Variants in ARSB observed in about 807,000 individuals in gnomAD.
ARSB encodes the protein arylsulfatase B.
A neutral mutation model predicts 50.9 loss-of-function variants in ARSB; 41 were observed. The ratio of observed to expected loss-of-function variants is 0.81; its 90% CI spans 0.63 to 1.04. The LOEUF (loss-of-function observed/expected upper bound fraction) is 1.04. ARSB is among the 50% of genes least tolerant of loss of function. The probability of loss-of-function intolerance (pLI) is 0.00; values close to 1 mark genes in which losing one functional copy is unlikely to be tolerated. For missense variants in ARSB, 672 were observed against 693.3 expected (o/e 0.97, Z 0.35); for synonymous variants, 269 against 284.8 (o/e 0.94, Z 0.56).
Position 78,985,014 on chromosome 5 carries a change from C to G in ARSB, c.235G>C (p.Gly79Arg). 6.5e-7 allele frequency: 1 copy of G among 1,539,066 alleles called. No individual in the cohort carries two copies. Among genetic ancestry groups the G allele is most frequent in the Non-Finnish European group, 8.7e-7 (1 of 1,145,508 alleles). Reference sequence around the variant, plus strand: ...GTGTAGTAGTTGTCCAGGAGCACCCCGCCGGCCGCCAGCGCGTCCAGGTGC... The same window carrying G: ...GTGTAGTAGTTGTCCAGGAGCACCCGGCCGGCCGCCAGCGCGTCCAGGTGC... ...TPHLDALAAG[G>R]VLLDNYYTQP... Residue 79 changes from glycine (G) to arginine (R), a missense_variant, in exon 1 of 8, where the codon GGG becomes CGG. Physicochemically the swap from Gly to Arg is moderately radical, Grantham distance 125. Coordinates refer to ENST00000264914, the MANE Select transcript of ARSB (RefSeq NM_000046.5).
At chr5:78,977,939 A>G (rs1469033588) in intron 1 of ARSB, among the ~76,000 whole-genome samples, 1 of 152,264 alleles carries the variant, frequency 6.6e-6, no homozygotes, top group Non-Finnish European at 1.5e-5. Context: ...TTAAGAAAGG[A>G]AGTCCATTTA....
intron 4 of ARSB, among the ~76,000 whole-genome samples, chr5:78,922,774 T>C (rs1206695290): frequency 6.6e-6 from 1 of 151,868 alleles, no homozygotes; most frequent in Non-Finnish European, 1.5e-5. Flanking sequence ...TTCCAGGCCT[T>C]GGTTCTTAGC....
intron 5 of ARSB, among the ~76,000 whole-genome samples, chr5:78,847,435 T>A (rs1041080818): frequency 1.3e-5 from 2 of 152,172 alleles, no homozygotes; most frequent in East Asian, 3.8e-4. Flanking sequence ...CTGTGAACGA[T>A]CTTTTTAATG....
chr5:78,890,572 T>C (rs1561485278), intron 4 of ARSB, among the ~76,000 whole-genome samples: 1 of 152,218 alleles, frequency 6.6e-6, no homozygotes, highest in African/African-American at 2.4e-5. Context: ...GGCTAATTTA[T>C]ATACCGCTTC....
intron 6 of ARSB, among the ~76,000 whole-genome samples, chr5:78,823,731 T>A (rs770538657): frequency 1.3e-5 from 2 of 152,346 alleles, no homozygotes; most frequent in East Asian, 3.9e-4. Flanking sequence ...AAAATCTTCA[T>A]GTCTTGCTGG....
intron 6 of ARSB, among the ~76,000 whole-genome samples, chr5:78,792,971 G>T (rs902300378): frequency 1.3e-5 from 2 of 152,178 alleles, no homozygotes; most frequent in African/African-American, 4.8e-5. Flanking sequence ...CCACACTACA[G>T]GTCTGGCCAG....
At chr5:78,831,245 C>A (rs1303519622) in intron 6 of ARSB, among the ~76,000 whole-genome samples, 1 of 151,990 alleles carries the variant, frequency 6.6e-6, no homozygotes, top group Non-Finnish European at 1.5e-5. Context: ...TAAGTCAGAG[C>A]TGGTATTGAA....
intron 5 of ARSB, chr5:78,883,636 A>G (rs918746529): frequency 1.2e-4 from 18 of 152,350 alleles, no homozygotes; most frequent in African/African-American, 4.3e-4. Context: ...AAAGAAGGTT[A>G]TAAAGCTAAT....
intron 5 of ARSB, among the ~76,000 whole-genome samples, chr5:78,867,492 A>T (rs868021753): frequency 4.4e-4 from 67 of 152,330 alleles, no homozygotes; most frequent in Middle Eastern, 3.4e-3. Context: ...GACTGCCTCC[A>T]CAAGTGGGTC....
intron 4 of ARSB, among the ~76,000 whole-genome samples, chr5:78,953,461 C>T (rs1018263565): frequency 3.9e-5 from 6 of 152,204 alleles, no homozygotes; most frequent in African/African-American, 1.2e-4. Flanking sequence ...TGAACTAATT[C>T]GCATGAAACA....
rs1396383692 is a variant in ARSB at position 78,985,101 on chromosome 5, A to G, written c.148T>C (p.Leu50=). Reference sequence around the variant, plus strand: ...TTCCAGCCTAGGTCGTCTGCCAGCAAGAAGACCAGGTGGGGCGGCCGGCTG... The same window carrying G: ...TTCCAGCCTAGGTCGTCTGCCAGCAGGAAGACCAGGTGGGGCGGCCGGCTG... ...GASRPPHLVF[L]LADDLGWNDV... is the part of the protein sequence containing the mutation. Residue 50 remains leucine, a synonymous_variant, in exon 1 of 8, where the codon TTG becomes CTG. Transcript: ENST00000264914. The G allele has an allele frequency of 2.6e-6, 4 of 1,521,286 alleles. No homozygotes were observed. The East Asian group carries it at 8.2e-5, about 31-fold the overall frequency. The allele number at this position is 1,521,286 out of a possible 1,614,324, so 94.2% of individuals were successfully genotyped here.
At chr5:78,781,696 A>T (rs1181274310) in intron 7 of ARSB, among the ~76,000 whole-genome samples, 156 bp downstream of exon 7, 1 of 152,204 alleles carries the variant, frequency 6.6e-6, no homozygotes, top group East Asian at 1.9e-4. Flanking sequence ...GAGGTGGGAA[A>T]CGGTTAGAAC....
intron 5 of ARSB, among the ~76,000 whole-genome samples, chr5:78,876,218 C>T (rs576845615): frequency 1.2e-3 from 182 of 151,916 alleles, no homozygotes; most frequent in Non-Finnish European, 1.9e-3. Context: ...AAGAAACTTG[C>T]TTTGGAAGAA....
At chr5:78,799,175 T>G (rs898008138) in intron 6 of ARSB, among the ~76,000 whole-genome samples, 1 of 152,204 alleles carries the variant, frequency 6.6e-6, no homozygotes, top group African/African-American at 2.4e-5. Flanking sequence ...GAATGAAATA[T>G]GAAGGAGGTG....
chr5:78,881,419 A>C (rs1215548016), intron 5 of ARSB, among the ~76,000 whole-genome samples: 4 of 152,206 alleles, frequency 2.6e-5, no homozygotes, highest in African/African-American at 4.8e-5. Flanking sequence ...CAAAATAAAA[A>C]GACAAAAAAA....
intron 5 of ARSB, among the ~76,000 whole-genome samples, chr5:78,864,238 C>T (rs1413285867): frequency 6.6e-6 from 1 of 152,012 alleles, no homozygotes; most frequent in Non-Finnish European, 1.5e-5. Context: ...GGACAATTTA[C>T]AAAAGAAAGA....
intron 4 of ARSB, among the ~76,000 whole-genome samples, chr5:78,904,080 T>TA (rs1320090810): frequency 6.6e-6 from 1 of 152,088 alleles, no homozygotes; most frequent in East Asian, 1.9e-4. Context: ...GAATGTCATA[T>TA]AAAAAAATCA....
chr5:78,815,414 G>C, intron 6 of ARSB: 2 of 484,464 alleles, frequency 4.1e-6, no homozygotes, highest in Non-Finnish European at 5.4e-6. Flanking sequence ...AAGAGAGCAG[G>C]CCACAAAGAC....
At position 78,885,787 on chromosome 5, in the gene ARSB, G is replaced by T. The variant is rs1471901688; in HGVS notation, c.939C>A (p.Pro313=). The T allele has an allele frequency of 6.2e-7, 1 of 1,614,124 alleles. No homozygotes were observed. Among genetic ancestry groups the T allele is most frequent in the East Asian group, 2.2e-5 (1 of 44,868 alleles). ...GQTLAGGNNW[P]LRGRKWSLWE... ...ACAGGCTCCATTTTCTTCCTCGAAG[G>T]GGCCAGTTATTACCCCCTGCCAAAG... The change falls in exon 5 of 8, where the codon CCC becomes CCA. Residue 313 remains proline (P), a synonymous_variant. Transcript: ENST00000264914.
Sources: gnomAD v4.1 joint callset for allele counts (sites outside exome capture counted in the v4.1 genomes callset) on GRCh38, gnomAD v4.1.1 for gene constraint, MANE v1.5 for transcripts, NCBI Gene and HGNC (gene_info 2026-07-23, HGNC 2026-07-21) for gene names.